CSNK1G1: variants seen among roughly 807,000 people sequenced by gnomAD.
CSNK1G1 encodes casein kinase 1 gamma 1.
Under a neutral mutation model 59.6 loss-of-function variants are expected in CSNK1G1, and 22 were observed. That is an observed-to-expected ratio of 0.37 (90% CI 0.26 to 0.53). The LOEUF (loss-of-function observed/expected upper bound fraction) is 0.53. Ranked by LOEUF, CSNK1G1 falls within the 20% of genes least tolerant of loss-of-function variation. The probability of loss-of-function intolerance (pLI) is 0.89; values close to 1 mark genes in which losing one functional copy is unlikely to be tolerated. For synonymous variants in CSNK1G1, 179 were observed against 177.1 expected (o/e 1.01, Z -0.08); for missense variants, 384 against 519.5 (o/e 0.74, Z 2.54).
At chr15:64,262,166 T>A (rs908263662) in intron 2 of CSNK1G1, among the ~76,000 whole-genome samples, 1 of 152,180 alleles carries the variant, frequency 6.6e-6, no homozygotes, top group South Asian at 2.1e-4. Context: ...TCTACACAGA[T>A]ACCAGACATC....
At chr15:64,260,058 T>C (rs536656026) in intron 2 of CSNK1G1, among the ~76,000 whole-genome samples, 16 of 152,312 alleles carry the variant, frequency 1.1e-4, no homozygotes, top group African/African-American at 3.6e-4. Flanking sequence ...CTCCCCATCC[T>C]CACTAATCCT....
Position 64,210,891 on chromosome 15 carries a change from G to T in CSNK1G1, c.679+2999C>A, listed in dbSNP as rs950898862. On this transcript the variant is annotated intron_variant, in intron 6 of 11. Coordinates refer to ENST00000303052, the MANE Select transcript of CSNK1G1 (RefSeq NM_022048.5). The surrounding 1 kb of genome is among the most constrained non-coding windows in gnomAD (Gnocchi z 4.2). ...TAACTGATTAACGACCTCCCTTAGG[G>T]ATGAGTTCCCAAGAAAGCAGGTTGG... is the stretch of plus-strand genomic sequence containing the variant. Among the ~76,000 whole-genome samples the T allele has an allele frequency of 1.3e-5, 2 of 152,116 alleles. No individual in the cohort carries two copies. The highest frequency in any genetic ancestry group is 1.5e-5 in the Non-Finnish European group (1 of 68,020).
chr15:64,287,685 T>C (rs1894503194), intron 2 of CSNK1G1, among the ~76,000 whole-genome samples: 1 of 152,206 alleles, frequency 6.6e-6, no homozygotes, highest in Non-Finnish European at 1.5e-5. Flanking sequence ...CAATGATCCA[T>C]TAACTCATTC....
intron 1 of CSNK1G1, among the ~76,000 whole-genome samples, chr15:64,321,637 A>T (rs1460703033): frequency 6.6e-6 from 1 of 152,236 alleles, no homozygotes; most frequent in Non-Finnish European, 1.5e-5. Context: ...CAAAATTACT[A>T]AAGATCTATG....
intron 2 of CSNK1G1, among the ~76,000 whole-genome samples, chr15:64,263,594 C>T (rs1566924918): frequency 6.6e-6 from 1 of 152,272 alleles, no homozygotes; most frequent in East Asian, 1.9e-4. Flanking sequence ...CTTCTGCATC[C>T]CACCTTTGTG....
intron 2 of CSNK1G1, among the ~76,000 whole-genome samples, chr15:64,273,730 TA>T (rs780466407): frequency 0.053 from 5,783 of 108,930 alleles, 249 homozygotes; most frequent in African/African-American, 0.15. Flanking sequence ...GCTGATGAGC[TA>T]AAAAAAAAAA....
At chr15:64,274,860 T>G (rs937735808) in intron 2 of CSNK1G1, among the ~76,000 whole-genome samples, 1 of 152,210 alleles carries the variant, frequency 6.6e-6, no homozygotes, top group African/African-American at 2.4e-5. Context: ...TCACATTTTC[T>G]TGCCCTTCAG....
intron 2 of CSNK1G1, among the ~76,000 whole-genome samples, chr15:64,298,857 C>T (rs1474686105): frequency 6.6e-6 from 1 of 150,902 alleles, no homozygotes; most frequent in African/African-American, 2.4e-5. Context: ...ATGGCAAGAG[C>T]CCGTCTCCAC....
intron 7 of CSNK1G1, among the ~76,000 whole-genome samples, chr15:64,206,127 G>A (rs1171060088): frequency 6.6e-6 from 1 of 152,172 alleles, no homozygotes; most frequent in Admixed American, 6.5e-5. Flanking sequence ...CCAACATGGT[G>A]AAACCCCGTC....
At chr15:64,354,545 A>G (rs776591335) in intron 1 of CSNK1G1, among the ~76,000 whole-genome samples, 1 of 152,202 alleles carries the variant, frequency 6.6e-6, no homozygotes, top group Non-Finnish European at 1.5e-5. Context: ...GAAACTACTG[A>G]TAACTGAATT....
intron 2 of CSNK1G1, among the ~76,000 whole-genome samples, chr15:64,262,140 G>T (rs960338974): frequency 2.0e-4 from 30 of 151,758 alleles, no homozygotes; most frequent in African/African-American, 7.3e-4. Context: ...AAAAGCATGT[G>T]AATATTTAAT....
At chr15:64,230,998 A>C (rs1226509155) in intron 4 of CSNK1G1, among the ~76,000 whole-genome samples, 1 of 151,518 alleles carries the variant, frequency 6.6e-6, no homozygotes, top group Non-Finnish European at 1.5e-5. Context: ...ATAAATAATA[A>C]AATAAAATAA....
intron 4 of CSNK1G1, among the ~76,000 whole-genome samples, chr15:64,239,219 C>T (rs2082661682): frequency 6.6e-6 from 1 of 152,112 alleles, no homozygotes; most frequent in Non-Finnish European, 1.5e-5. Context: ...AACATCAACA[C>T]AGTGGTACAG....
chr15:64,189,586 T>C (rs867636854), intron 10 of CSNK1G1: 1 of 542,908 alleles, frequency 1.8e-6, no homozygotes, highest in Middle Eastern at 5.1e-4. Flanking sequence ...GGATGTGATA[T>C]TGCTGCTCTG....
chr15:64,193,606 G>A (rs569838830), intron 10 of CSNK1G1, among the ~76,000 whole-genome samples: 1 of 151,896 alleles, frequency 6.6e-6, no homozygotes, highest in South Asian at 2.1e-4. Context: ...TCTGTCATTT[G>A]TGCAGAGATA....
chr15:64,189,982 C>T (rs901330950), intron 10 of CSNK1G1, among the ~76,000 whole-genome samples: 8 of 152,100 alleles, frequency 5.3e-5, no homozygotes, highest in African/African-American at 1.7e-4. Context: ...CCATGCCCGG[C>T]TAATTTTTTT....
rs2081626631 is a variant in CSNK1G1 at position 64,168,354 on chromosome 15, T to G, written c.*3577A>C. 6.6e-6 allele frequency: 1 copy of G among 152,550 alleles called. No individual in the cohort carries two copies. Among genetic ancestry groups the G allele is most frequent in the Non-Finnish European group, 1.5e-5 (1 of 68,052 alleles). 9.4% of individuals were successfully genotyped at this position (152,550 alleles called of 1,614,324 possible). A position where few individuals can be genotyped will look rare whatever the true frequency, so the allele number is the denominator to read the frequency against. ...CCCTTGGGGGCAGTCTGGAGTGAGA[T>G]CTCTGGAAAGCACCAAGGTGCGTAG... On this transcript the variant is annotated 3_prime_UTR_variant, in exon 12 of 12. Coordinates refer to ENST00000303052, the MANE Select transcript of CSNK1G1 (RefSeq NM_022048.5).
intron 1 of CSNK1G1, among the ~76,000 whole-genome samples, chr15:64,346,209 T>C (rs761899492): frequency 1.3e-5 from 2 of 151,364 alleles, no homozygotes; most frequent in South Asian, 4.2e-4. Context: ...TAGTGAGACC[T>C]CATCTCTGTT....
chr15:64,308,392 C>A (rs1358985965), intron 1 of CSNK1G1, among the ~76,000 whole-genome samples: 1 of 152,012 alleles, frequency 6.6e-6, no homozygotes, highest in African/African-American at 2.4e-5. Flanking sequence ...AGCTACCATG[C>A]CCAGCCCCAC....
Sources: gnomAD v4.1 joint callset for allele counts (sites outside exome capture counted in the v4.1 genomes callset) on GRCh38, gnomAD v4.1.1 for gene constraint, Gnocchi (gnomAD v3.1) non-coding constraint, MANE v1.5 for transcripts, NCBI Gene and HGNC (gene_info 2026-07-23, HGNC 2026-07-21) for gene names.